MGMT: variants seen among roughly 807,000 people sequenced by gnomAD.
The protein encoded by MGMT is O-6-methylguanine-DNA methyltransferase.
A neutral mutation model predicts 15.9 loss-of-function variants in MGMT; 14 were observed. The ratio of observed to expected loss-of-function variants is 0.88; its 90% confidence interval spans 0.58 to 1.37. MGMT has a LOEUF of 1.37. Among genes scored for constraint, MGMT ranks in the 40% most tolerant of loss-of-function variants. MGMT has a pLI of 0.00. For synonymous variants in MGMT, 130 were observed against 118.2 expected (o/e 1.10, Z -0.65); for missense variants, 282 against 268.1 (o/e 1.05, Z -0.36).
At chr10:129,728,077 G>A (rs1213718682) in intron 3 of MGMT, among the ~76,000 whole-genome samples, 2 of 152,194 alleles carry the variant, frequency 1.3e-5, no homozygotes, top group Admixed American at 1.3e-4. Flanking sequence ...TGGGAGCCAG[G>A]CTGGACTTGA....
intron 2 of MGMT, among the ~76,000 whole-genome samples, chr10:129,671,181 G>A (rs764994536): frequency 6.6e-6 from 1 of 152,162 alleles, no homozygotes; most frequent in African/African-American, 2.4e-5. Context: ...ATTATGTTTG[G>A]AAAGAGAACA....
intron 1 of MGMT, among the ~76,000 whole-genome samples, chr10:129,506,224 A>G (rs1267232166): frequency 6.6e-6 from 1 of 152,030 alleles, no homozygotes; most frequent in African/African-American, 2.4e-5. Context: ...CTCTCCTGCA[A>G]TGTCGGTACT....
intron 3 of MGMT, among the ~76,000 whole-genome samples, chr10:129,719,457 AT>A (rs1231976287): frequency 6.6e-6 from 1 of 152,182 alleles, no homozygotes; most frequent in Non-Finnish European, 1.5e-5. Context: ...TACAACAGAA[AT>A]CTTTCTCAGC....
At chr10:129,479,204 C>T (rs185495172) in intron 1 of MGMT, among the ~76,000 whole-genome samples, 46 of 152,172 alleles carry the variant, frequency 3.0e-4, no homozygotes, top group African/African-American at 1.0e-3. Context: ...GTTAACATCT[C>T]CTGCCACTAA....
chr10:129,536,553 C>A, intron 2 of MGMT, 176 bp downstream of exon 2: 1 of 731,978 alleles, frequency 1.4e-6, no homozygotes, highest in Non-Finnish European at 2.1e-6. Context: ...GCATTTGCAG[C>A]TTCCCTGTGT....
At chr10:129,606,108 T>G (rs972349960) in intron 2 of MGMT, among the ~76,000 whole-genome samples, 1 of 152,106 alleles carries the variant, frequency 6.6e-6, no homozygotes, top group Non-Finnish European at 1.5e-5. Context: ...TCAAGAGGCT[T>G]GACATAAGTA....
chr10:129,476,793 C>T (rs1845299787), intron 1 of MGMT, among the ~76,000 whole-genome samples: 1 of 152,156 alleles, frequency 6.6e-6, no homozygotes, highest in Non-Finnish European at 1.5e-5. Flanking sequence ...GTCCTGCACG[C>T]CCACACTGCC....
At chr10:129,538,280 T>A (rs1846007558) in intron 2 of MGMT, among the ~76,000 whole-genome samples, 1 of 152,228 alleles carries the variant, frequency 6.6e-6, no homozygotes, top group Non-Finnish European at 1.5e-5. Context: ...GAAAATTCCC[T>A]TGTGCCCCCT....
At chr10:129,756,626 C>T (rs904956515) in intron 3 of MGMT, among the ~76,000 whole-genome samples, 1 of 152,170 alleles carries the variant, frequency 6.6e-6, no homozygotes, top group Non-Finnish European at 1.5e-5. Context: ...AGCACCACCA[C>T]GCCTGGCTAA....
intron 2 of MGMT, among the ~76,000 whole-genome samples, chr10:129,685,318 C>T (rs1847893206): frequency 6.6e-6 from 1 of 152,188 alleles, no homozygotes; most frequent in Non-Finnish European, 1.5e-5. Context: ...CTGGTGTCTC[C>T]AAAACTTCCT....
intron 1 of MGMT, among the ~76,000 whole-genome samples, chr10:129,472,213 G>A (rs12253383): frequency 0.13 from 19,718 of 152,062 alleles, 3,719 homozygotes; most frequent in African/African-American, 0.41. Flanking sequence ...GAAGTGCCAG[G>A]CCGTGTGTGG....
intron 1 of MGMT, among the ~76,000 whole-genome samples, chr10:129,514,875 G>A (rs1393674909): frequency 6.6e-6 from 1 of 152,228 alleles, no homozygotes; most frequent in Non-Finnish European, 1.5e-5. Flanking sequence ...TGTTATGGCA[G>A]CTCAGATGGC....
chr10:129,607,052 A>T (rs1031136613), intron 2 of MGMT, among the ~76,000 whole-genome samples: 2 of 152,174 alleles, frequency 1.3e-5, no homozygotes, highest in Admixed American at 1.3e-4. Context: ...TGGTAGCTTC[A>T]CAAGAGTTCT....
chr10:129,543,510 C>G (rs1048369349), intron 2 of MGMT, among the ~76,000 whole-genome samples: 2 of 152,174 alleles, frequency 1.3e-5, no homozygotes, highest in South Asian at 2.1e-4. Flanking sequence ...GGTTTCTGAT[C>G]TAGAAAATCA....
At chr10:129,672,303 A>C (rs1847733752) in intron 2 of MGMT, among the ~76,000 whole-genome samples, 1 of 152,178 alleles carries the variant, frequency 6.6e-6, no homozygotes, top group East Asian at 1.9e-4. Flanking sequence ...TTTTCTCTAA[A>C]TTGAGATCTG....
At chr10:129,761,401 C>A (rs1054526017) in intron 4 of MGMT, among the ~76,000 whole-genome samples, 2 of 152,246 alleles carry the variant, frequency 1.3e-5, no homozygotes, top group African/African-American at 4.8e-5. Context: ...ACAAGCTCCA[C>A]TAACTGACAT....
intron 1 of MGMT, among the ~76,000 whole-genome samples, chr10:129,502,012 T>C (rs12762266): frequency 0.3 from 46,171 of 152,148 alleles, 7,490 homozygotes; most frequent in African/African-American, 0.4. Flanking sequence ...AGCTGTGGGA[T>C]GGGATGGGCG....
chr10:129,645,762 C>A (rs561779262), intron 2 of MGMT, among the ~76,000 whole-genome samples: 1 of 152,172 alleles, frequency 6.6e-6, no homozygotes, highest in Non-Finnish European at 1.5e-5. Flanking sequence ...TCCAGGCCAG[C>A]GGCGGTGTTA....
At chr10:129,596,835 A>G (rs561714892) in intron 2 of MGMT, among the ~76,000 whole-genome samples, 8 of 152,148 alleles carry the variant, frequency 5.3e-5, no homozygotes, top group Admixed American at 1.3e-4. Flanking sequence ...CCACAGCCCA[A>G]CTTTAACAGT....
Sources: gnomAD v4.1 joint callset for allele counts (sites outside exome capture counted in the v4.1 genomes callset) on GRCh38, gnomAD v4.1.1 for gene constraint, MANE v1.5 for transcripts, NCBI Gene and HGNC (gene_info 2026-07-23, HGNC 2026-07-21) for gene names.